The following SLC28A3 variants were observed in gnomAD, a reference collection of about 807,000 sequenced individuals.
SLC28A3 encodes the protein concentrative Na(+)-nucleoside cotransporter 3.
A neutral mutation model predicts 84.2 loss-of-function variants in SLC28A3; 68 were observed. The ratio of observed to expected loss-of-function variants is 0.81; its 90% CI spans 0.66 to 0.99. The LOEUF is 0.99. Among genes scored for constraint, SLC28A3 ranks in the 50% least tolerant of loss-of-function variants. The probability of loss-of-function intolerance (pLI) is 0.00; values close to 1 mark genes in which losing one functional copy is unlikely to be tolerated. For missense variants in SLC28A3, 712 were observed against 841.5 expected (o/e 0.85, Z 1.90); for synonymous variants, 267 against 303.6 (o/e 0.88, Z 1.25).
chr9:84,297,955 C>T lies in SLC28A3; in HGVS notation c.734G>A (p.Arg245Lys), dbSNP rs1157502950. Residue 245 changes from arginine to lysine, a missense_variant, in exon 7 of 18, where the codon AGG becomes AAG. Coordinates refer to ENST00000376238, the MANE Select transcript of SLC28A3 (RefSeq NM_001199633.2). ...LQFLLGLLIL[R>K]TDPGFIAFDW... is the part of the protein sequence containing the mutation. ...AAAAGCTATAAATCCAGGGTCAGTC[C>T]TTAGAATCAAGAGCCCAAGAAGAAA... The T allele has an allele frequency of 6.2e-7, 1 of 1,612,466 alleles. No homozygotes were observed. The highest frequency in any genetic ancestry group is 1.3e-5 in the African/African-American group (1 of 74,876).
intron 3 of SLC28A3, among the ~76,000 whole-genome samples, chr9:84,309,294 G>C (rs1588596268): frequency 1.3e-5 from 2 of 152,096 alleles, no homozygotes; most frequent in South Asian, 4.1e-4. Flanking sequence ...AGGTCGAGGT[G>C]GGTGGATCAT....
At chr9:84,340,114 A>G (rs1265887703) in intron 1 of SLC28A3, among the ~76,000 whole-genome samples, 2 of 152,128 alleles carry the variant, frequency 1.3e-5, no homozygotes, top group Non-Finnish European at 2.9e-5. Context: ...GTTTTGGTTG[A>G]TGAAGTGAGA....
chr9:84,314,948 G>A (rs1826119201), intron 1 of SLC28A3, among the ~76,000 whole-genome samples: 1 of 152,190 alleles, frequency 6.6e-6, no homozygotes, highest in Non-Finnish European at 1.5e-5. Flanking sequence ...GTGGTGGCAG[G>A]TGCTTGTAAT....
At position 84,277,372 on chromosome 9, in the gene SLC28A3, G is replaced by A. The variant is rs4877272; in HGVS notation, c.*846C>T. 0.18 allele frequency: 28,005 copies of A among 152,252 alleles called. 3,013 individuals carry two copies. The highest frequency in any genetic ancestry group is 0.3 in the African/African-American group (12,350 of 41,520). The allele number at this position is 152,252 out of a possible 1,614,324, so 9.4% of individuals were successfully genotyped here. A position where few individuals can be genotyped will look rare whatever the true frequency, so the allele number is the denominator to read the frequency against. ...CAGGACTTGTTTTGGCTAATGGAATGTCATGGAAGTAAAGGGTATCATTTC... is the reference window on the plus strand; with the variant it reads ...CAGGACTTGTTTTGGCTAATGGAATATCATGGAAGTAAAGGGTATCATTTC... On this transcript the variant is annotated 3_prime_UTR_variant, in exon 18 of 18. Transcript: ENST00000376238.
intron 12 of SLC28A3, among the ~76,000 whole-genome samples, chr9:84,286,572 T>G (rs1824999420): frequency 6.6e-6 from 1 of 151,878 alleles, no homozygotes. Context: ...TTACATTACT[T>G]TTTAAATTTG....
chr9:84,310,401 G>A, intron 2 of SLC28A3: 1 of 985,296 alleles, frequency 1.0e-6, no homozygotes, highest in South Asian at 4.7e-5. Flanking sequence ...GGATGGCAGA[G>A]GATTTCCTAC....
chr9:84,359,965 G>A, the SLC28A3 span, among the ~76,000 whole-genome samples: 1 of 143,284 alleles, frequency 7.0e-6, no homozygotes, highest in Non-Finnish European at 1.5e-5. Context: ...TGGCACCACT[G>A]CACTCCAGCC....
chr9:84,306,893 C>A (rs755159584), intron 3 of SLC28A3, among the ~76,000 whole-genome samples: 4 of 147,484 alleles, frequency 2.7e-5, no homozygotes, highest in African/African-American at 5.0e-5. Context: ...TGTGGTGGCT[C>A]ATGCCTGTAA....
At position 84,336,318 on chromosome 9, in the gene SLC28A3, G is replaced by A. The variant is rs376792249; in HGVS notation, c.60+4256C>T. Among the ~76,000 whole-genome samples the A allele has an allele frequency of 1.1e-4, 17 of 148,702 alleles. No individual in the cohort carries two copies. In the East Asian group the frequency reaches 1.6e-3, roughly 14 times the overall value. ...GGAGTTTGAGACCAGCCTGACCAAC[G>A]TTGTGAAACCCTGTCTCTACTAAAA... On this transcript the variant is annotated intron_variant, in intron 1 of 17. Coordinates refer to ENST00000376238, the MANE Select transcript of SLC28A3 (RefSeq NM_001199633.2).
chr9:84,296,038 G>A (rs963871361), intron 8 of SLC28A3, among the ~76,000 whole-genome samples: 4 of 152,218 alleles, frequency 2.6e-5, no homozygotes, highest in Admixed American at 6.5e-5. Flanking sequence ...TGGCAGGAAA[G>A]AATAGGGGCC....
At chr9:84,295,532 G>A (rs1044122953) in intron 8 of SLC28A3, among the ~76,000 whole-genome samples, 2 of 152,180 alleles carry the variant, frequency 1.3e-5, no homozygotes, top group African/African-American at 4.8e-5. Flanking sequence ...TTGCAGAGCC[G>A]AGATTGTGCC....
At chr9:84,303,132 G>A (rs966073622) in intron 4 of SLC28A3, among the ~76,000 whole-genome samples, 1 of 152,150 alleles carries the variant, frequency 6.6e-6, no homozygotes, top group Non-Finnish European at 1.5e-5. Flanking sequence ...TAAAAACTGA[G>A]TTCCCAACCA....
chr9:84,367,769 C>T, the SLC28A3 span, among the ~76,000 whole-genome samples: 2 of 152,156 alleles, frequency 1.3e-5, no homozygotes, highest in South Asian at 2.1e-4. Flanking sequence ...CGGATGTGCA[C>T]GTAGGCTAGA....
In SLC28A3 at chr9:84,305,319, ACTGTGT is replaced by A; in HGVS notation, c.263_268del (p.Asp88_Thr89del). 1 of 1,613,448 alleles carries A rather than the reference ACTGTGT, an allele frequency of 6.2e-7. No homozygotes were observed. Among genetic ancestry groups the A allele is most frequent in the Non-Finnish European group, 8.5e-7 (1 of 1,179,878 alleles). Reference sequence around the variant, plus strand: ...TTTGTGTTTCCTACAGAAACCACATACTGTGTCATACCTCCTTTCCAAACACCTGCA... The same window carrying A: ...TTTGTGTTTCCTACAGAAACCACATACATACCTCCTTTCCAAACACCTGCA... On this transcript the variant is annotated inframe_deletion, in exon 4 of 18. Transcript: ENST00000376238.
Position 84,277,443 on chromosome 9 carries a change from T to C in SLC28A3, c.*775A>G, listed in dbSNP as rs1197264653. 1 of 152,236 alleles carries C rather than the reference T, an allele frequency of 6.6e-6. No homozygotes were observed. The highest frequency in any genetic ancestry group is 1.5e-5 in the Non-Finnish European group (1 of 68,058). 9.4% of individuals were successfully genotyped at this position (152,236 alleles called of 1,614,324 possible). The stretch of plus-strand genomic sequence containing the variant: ...CATCATGTGGTTCCCACCTTTCTTT[T>C]CCCTCTTAAGACCAACATGCCCCCC... On this transcript the variant is annotated 3_prime_UTR_variant, in exon 18 of 18. Coordinates refer to ENST00000376238, the MANE Select transcript of SLC28A3 (RefSeq NM_001199633.2).
the SLC28A3 span, among the ~76,000 whole-genome samples, chr9:84,363,043 C>G: frequency 6.6e-6 from 1 of 152,112 alleles, no homozygotes; most frequent in Non-Finnish European, 1.5e-5. Flanking sequence ...TATGACAGTA[C>G]CATTGCTTTA....
At chr9:84,319,494 GTC>G (rs910952334) in intron 1 of SLC28A3, among the ~76,000 whole-genome samples, 27 of 152,168 alleles carry the variant, frequency 1.8e-4, no homozygotes, top group Admixed American at 3.9e-4. Context: ...GTGAACCCTT[GTC>G]TCTCTATTTT....
At chr9:84,317,631 C>T (rs1826219547) in intron 1 of SLC28A3, among the ~76,000 whole-genome samples, 1 of 152,028 alleles carries the variant, frequency 6.6e-6, no homozygotes, top group African/African-American at 2.4e-5. Context: ...GCTAGGAGAG[C>T]CTTTCTTCAC....
chr9:84,297,896 C>A lies in SLC28A3; in HGVS notation c.783+10G>T, dbSNP rs770678806. ...CATAAAAGCAAAGTGTTCTTTTGAA[C>A]CAAACTTACCTGAACTTGTCTGCCC... is the stretch of plus-strand genomic sequence containing the variant. On this transcript the variant is annotated intron_variant, in intron 7 of 17. Transcript: ENST00000376238. 6.3e-7 allele frequency: 1 copy of A among 1,588,992 alleles called. No individual in the cohort carries two copies. Among genetic ancestry groups the A allele is most frequent in the Admixed American group, 2.0e-5 (1 of 50,842 alleles).
Sources: allele counts gnomAD v4.1 joint callset (sites outside exome capture counted in the v4.1 genomes callset), GRCh38; gene constraint gnomAD v4.1.1; transcripts MANE v1.5; gene names NCBI Gene and HGNC (gene_info 2026-07-23, HGNC 2026-07-21).